Variants in PLCH1 observed in about 807,000 individuals in gnomAD.
PLCH1 encodes the protein phospholipase C eta 1.
A neutral mutation model predicts 126.7 loss-of-function variants in PLCH1; 60 were observed. The ratio of observed to expected loss-of-function variants is 0.47; its 90% confidence interval spans 0.38 to 0.59. PLCH1 has a LOEUF of 0.59. PLCH1 is among the 20% of genes least tolerant of loss of function. The pLI, the probability that PLCH1 is intolerant of heterozygous loss-of-function variation, is 0.00. For synonymous variants in PLCH1, 719 were observed against 734.9 expected (o/e 0.98, Z 0.35); for missense variants, 1,723 against 2,040.0 (o/e 0.84, Z 2.99).
intron 1 of PLCH1, among the ~76,000 whole-genome samples, chr3:155,727,391 C>CCT (rs1553765009): frequency 7.1e-6 from 1 of 141,656 alleles, no homozygotes; most frequent in East Asian, 2.1e-4. Context: ...GTACGAAATC[C>CCT]TTTTTTTTTT....
intron 1 of PLCH1, among the ~76,000 whole-genome samples, chr3:155,711,303 A>T (rs752435435): frequency 1.8e-4 from 27 of 152,306 alleles, no homozygotes; most frequent in Middle Eastern, 3.4e-3. Flanking sequence ...TCATGTAAAA[A>T]TCATGTAAAA....
rs905599790 is a variant in PLCH1 at position 155,479,959 on chromosome 3, A to C, written c.*1009T>G. 1 of 152,570 alleles carries C rather than the reference A, an allele frequency of 6.6e-6. No homozygotes were observed. Among genetic ancestry groups the C allele is most frequent in the Non-Finnish European group, 1.5e-5 (1 of 68,016 alleles). The allele number at this position is 152,570 out of a possible 1,614,324, so 9.5% of individuals were successfully genotyped here. On this transcript the variant is annotated 3_prime_UTR_variant, in exon 23 of 23. Transcript: ENST00000460012. ...TGCAGTTAATGTTACAAAAAAAAAA[A>C]ACAAAGAGGGACATCTGAACATGCA...
chr3:155,723,411 T>C (rs1158245990), intron 1 of PLCH1, among the ~76,000 whole-genome samples: 1 of 152,218 alleles, frequency 6.6e-6, no homozygotes, highest in African/African-American at 2.4e-5. Context: ...TGTTTTGTTT[T>C]GTTCTGTTTC....
intron 1 of PLCH1, among the ~76,000 whole-genome samples, chr3:155,721,736 G>A (rs1305248174): frequency 6.6e-6 from 1 of 152,048 alleles, no homozygotes; most frequent in Non-Finnish European, 1.5e-5. Flanking sequence ...AGGATTTCCA[G>A]TACTATGCTG....
At chr3:155,679,583 A>T (rs776090329) in intron 2 of PLCH1, among the ~76,000 whole-genome samples, 2 of 152,214 alleles carry the variant, frequency 1.3e-5, no homozygotes, top group Non-Finnish European at 2.9e-5. Context: ...CCCACACCCC[A>T]ACCTCACCAG....
At chr3:155,722,940 C>T (rs1304755152) in intron 1 of PLCH1, among the ~76,000 whole-genome samples, 1 of 152,152 alleles carries the variant, frequency 6.6e-6, no homozygotes, top group Non-Finnish European at 1.5e-5. Flanking sequence ...AGCTGTGAAT[C>T]CATCTGGTCC....
intron 2 of PLCH1, among the ~76,000 whole-genome samples, chr3:155,693,562 T>C (rs1330006588): frequency 4.6e-5 from 7 of 152,186 alleles, no homozygotes; most frequent in Admixed American, 3.9e-4. Flanking sequence ...CTCTTTTCTA[T>C]GCTTTCCAAA....
chr3:155,619,498 T>TAAAAAAAAA (rs1553857946), intron 2 of PLCH1, among the ~76,000 whole-genome samples: 1 of 133,520 alleles, frequency 7.5e-6, no homozygotes, highest in Non-Finnish European at 1.7e-5. Context: ...ACAGAAAAAG[T>TAAAAAAAAA]AAAAAAAAAA....
chr3:155,482,506 C>T lies in PLCH1; in HGVS notation c.3520G>A (p.Asp1174Asn). 6.2e-7 allele frequency: 1 copy of T among 1,614,026 alleles called. No individual in the cohort carries two copies. Among genetic ancestry groups the T allele is most frequent in the South Asian group, 1.1e-5 (1 of 91,058 alleles). ...TTCTCATTTGTTAAAGTGACATTGT[C>T]AATAAGATGGGAAATTACACTCTCC... ...LQESVISHLI[D>N]NVTLTNENEP... Residue 1174 changes from aspartate (D) to asparagine (N), a missense_variant, in exon 23 of 23, where the codon GAC becomes AAC. Asp to Asn is a conservative substitution (Grantham distance 23). This residue lies in a region of PLCH1 where 947 missense variants were observed against 977.1 expected (regional missense o/e 0.97). Transcript: ENST00000460012.
At chr3:155,548,829 T>C (rs1345652112) in intron 10 of PLCH1, among the ~76,000 whole-genome samples, 3 of 152,364 alleles carry the variant, frequency 2.0e-5, no homozygotes, top group East Asian at 3.9e-4. Flanking sequence ...TTTTATTTAA[T>C]TGGTAGAAAA....
intron 19 of PLCH1, among the ~76,000 whole-genome samples, chr3:155,489,503 T>C (rs1028392297): frequency 6.6e-6 from 1 of 152,206 alleles, no homozygotes. Context: ...TTGATGTTCA[T>C]AGACAATAAT....
intron 21 of PLCH1, chr3:155,486,005 A>G (rs890439169): frequency 1.6e-6 from 1 of 635,950 alleles, no homozygotes; most frequent in Non-Finnish European, 2.7e-6. Flanking sequence ...ATAGACTGCT[A>G]TGAACTTCAG....
intron 2 of PLCH1, among the ~76,000 whole-genome samples, chr3:155,610,755 G>A (rs1306289379): frequency 1.3e-5 from 2 of 150,718 alleles, no homozygotes; most frequent in Non-Finnish European, 2.9e-5. Context: ...CAAAACAGAA[G>A]CTCCTTAAAG....
intron 2 of PLCH1, among the ~76,000 whole-genome samples, chr3:155,599,581 TA>T (rs1166720811): frequency 6.6e-6 from 1 of 152,176 alleles, no homozygotes; most frequent in Non-Finnish European, 1.5e-5. Flanking sequence ...ATTGGCTGGC[TA>T]AAAAATATAA....
intron 21 of PLCH1, among the ~76,000 whole-genome samples, chr3:155,459,823 G>A (rs1016468637): frequency 3.3e-5 from 5 of 152,198 alleles, no homozygotes; most frequent in African/African-American, 1.2e-4. Context: ...TTGTCCCAAA[G>A]TGATGTTTTA....
At chr3:155,627,925 G>A (rs998065978) in intron 2 of PLCH1, among the ~76,000 whole-genome samples, 2 of 151,580 alleles carry the variant, frequency 1.3e-5, no homozygotes, top group African/African-American at 4.8e-5. Context: ...CCACCACCAC[G>A]CCTGGCTAAT....
At position 155,480,848 on chromosome 3, in the gene PLCH1, C is replaced by A. The variant is rs778986618; in HGVS notation, c.*120G>T. 4 of 871,486 alleles carry A rather than the reference C, an allele frequency of 4.6e-6. No homozygotes were observed. The highest frequency in any genetic ancestry group is 3.5e-6 in the Non-Finnish European group (2 of 565,744). The allele number at this position is 871,486 out of a possible 1,614,324, so 54.0% of individuals were successfully genotyped here. A position where few individuals can be genotyped will look rare whatever the true frequency, so the allele number is the denominator to read the frequency against. ...GAGAACACATGAAGTCAAAGGGAGACCCAAATACAAGTTTAAAAATACATT... is the reference window on the plus strand; with the variant it reads ...GAGAACACATGAAGTCAAAGGGAGAACCAAATACAAGTTTAAAAATACATT... On this transcript the variant is annotated 3_prime_UTR_variant, in exon 23 of 23. Coordinates refer to ENST00000460012, the MANE Select transcript of PLCH1 (RefSeq NM_014996.4).
chr3:155,589,184 G>A (rs1462397107), intron 4 of PLCH1, among the ~76,000 whole-genome samples: 1 of 152,042 alleles, frequency 6.6e-6, no homozygotes, highest in Non-Finnish European at 1.5e-5. Flanking sequence ...CTAGCACAGG[G>A]GAGGGCAAAC....
At chr3:155,583,020 A>C (rs1730918570) in intron 6 of PLCH1, among the ~76,000 whole-genome samples, 1 of 151,534 alleles carries the variant, frequency 6.6e-6, no homozygotes, top group Admixed American at 6.6e-5. Context: ...GTAGTTAAGA[A>C]TTATGCCATA....
Sources: allele counts gnomAD v4.1 joint callset (sites outside exome capture counted in the v4.1 genomes callset), GRCh38; gene constraint gnomAD v4.1.1; regional missense constraint gnomAD v4.1.1; transcripts MANE v1.5; gene names NCBI Gene and HGNC (gene_info 2026-07-23, HGNC 2026-07-21).